Variants in AP3B1 observed in about 807,000 individuals in gnomAD.
The protein encoded by AP3B1 is adaptor related protein complex 3 subunit beta 1.
Under a neutral mutation model 132.5 loss-of-function variants are expected in AP3B1, and 61 were observed. That is an observed-to-expected ratio of 0.46 (90% CI 0.37 to 0.57). The LOEUF is 0.57. Ranked by LOEUF, AP3B1 falls within the 20% of genes least tolerant of loss-of-function variation. The pLI is 0.00. For synonymous variants in AP3B1, 388 were observed against 438.3 expected (o/e 0.89, Z 1.43); for missense variants, 1,120 against 1,289.4 (o/e 0.87, Z 2.01).
rs993056320 is a variant in AP3B1, at chr5:78,233,181, G to A, written c.280-4942C>T. The stretch of plus-strand genomic sequence containing the variant: ...TCATGCATCATATTTAAGTTTTCAT[G>A]TCTCCTTGGTCTTCTTTCATCTGGA... On this transcript the variant is annotated intron_variant, in intron 3 of 26. Transcript: ENST00000255194. Among the ~76,000 whole-genome samples, 5 of 151,094 alleles carry A rather than the reference G, an allele frequency of 3.3e-5. No individual in the cohort carries two copies. In the East Asian group the frequency reaches 5.8e-4, roughly 18 times the overall value.
chr5:78,178,427 C>G (rs1367058520), intron 8 of AP3B1, among the ~76,000 whole-genome samples: 1 of 152,076 alleles, frequency 6.6e-6, no homozygotes, highest in Non-Finnish European at 1.5e-5. Context: ...GTGAGAGCAT[C>G]CTGGCCAACA....
downstream of AP3B1, chr5:78,001,422 A>G (rs1373346750): frequency 1.3e-5 from 2 of 152,336 alleles, no homozygotes; most frequent in Non-Finnish European, 1.5e-5. Flanking sequence ...GCTTCCATAC[A>G]TTGGTACAGA....
chr5:78,041,951 G>T, intron 22 of AP3B1: 1 of 202,144 alleles, frequency 4.9e-6, no homozygotes, highest in Non-Finnish European at 1.0e-5. Context: ...AACTCCTTGA[G>T]CTGCTGCACG....
chr5:78,177,179 T>TA (rs2112404944), intron 9 of AP3B1, among the ~76,000 whole-genome samples, 160 bp downstream of exon 9: 1 of 152,306 alleles, frequency 6.6e-6, no homozygotes, highest in East Asian at 1.9e-4. Flanking sequence ...GATAAATGCA[T>TA]AAAGACTTTT....
At chr5:78,063,085 C>CA (rs1371021037) in intron 22 of AP3B1, among the ~76,000 whole-genome samples, 1 of 152,114 alleles carries the variant, frequency 6.6e-6, no homozygotes, top group Admixed American at 6.5e-5. Flanking sequence ...AAATATTGTT[C>CA]AAAACAGCAT....
chr5:78,120,451 T>C (rs1481070368), intron 17 of AP3B1, among the ~76,000 whole-genome samples: 1 of 152,148 alleles, frequency 6.6e-6, no homozygotes, highest in Non-Finnish European at 1.5e-5. Flanking sequence ...GAAACCCATC[T>C]CACGTGGAGA....
intron 23 of AP3B1, 52 bp downstream of exon 23, chr5:78,038,991 C>A (rs1747930912): frequency 5.4e-6 from 6 of 1,102,182 alleles, no homozygotes; most frequent in Admixed American, 2.0e-5. Flanking sequence ...TTAAAATGAA[C>A]ATATTTAGTG....
At chr5:78,109,942 C>G (rs1751501072) in intron 20 of AP3B1, among the ~76,000 whole-genome samples, 2 of 151,806 alleles carry the variant, frequency 1.3e-5, no homozygotes, top group Non-Finnish European at 2.9e-5. Flanking sequence ...ATTTTTGTGA[C>G]TTCCTTTCAC....
chr5:78,084,239 A>G (rs573133471), intron 22 of AP3B1, among the ~76,000 whole-genome samples: 89 of 152,236 alleles, frequency 5.8e-4, no homozygotes, highest in African/African-American at 2.1e-3. Flanking sequence ...ATAAAAAGGA[A>G]TCTGGTTGAG....
intron 7 of AP3B1, among the ~76,000 whole-genome samples, chr5:78,208,473 G>A (rs914530025): frequency 6.6e-6 from 1 of 152,138 alleles, no homozygotes; most frequent in African/African-American, 2.4e-5. Flanking sequence ...TGCATTCTGG[G>A]AAGGAATCAT....
intron 15 of AP3B1, among the ~76,000 whole-genome samples, chr5:78,137,980 C>A (rs1030854535): frequency 3.3e-5 from 5 of 151,862 alleles, no homozygotes; most frequent in African/African-American, 4.8e-5. Flanking sequence ...CAAGACTTCA[C>A]GGCAAACCAG....
At chr5:78,278,629 G>GAAAAAAAAAAAAA (rs1561217293) in intron 1 of AP3B1, among the ~76,000 whole-genome samples, 1 of 76,712 alleles carries the variant, frequency 1.3e-5, no homozygotes, top group African/African-American at 3.7e-5. Flanking sequence ...AAAAAAAGGG[G>GAAAAAAAAAAAAA]GGGGGGGACT....
chr5:78,073,035 CTAAGT>C (rs1181528387), intron 22 of AP3B1, among the ~76,000 whole-genome samples: 6 of 152,178 alleles, frequency 3.9e-5, no homozygotes, highest in African/African-American at 1.4e-4. Context: ...CTGATATATT[CTAAGT>C]TAAGTGGTTT....
chr5:78,134,956 C>T (rs1418048484), intron 15 of AP3B1, among the ~76,000 whole-genome samples: 1 of 152,172 alleles, frequency 6.6e-6, no homozygotes, highest in Non-Finnish European at 1.5e-5. Context: ...TCTGTAAGGT[C>T]TTCCTTTCTG....
At chr5:78,055,965 GA>G (rs1748795628) in intron 22 of AP3B1, among the ~76,000 whole-genome samples, 1 of 152,046 alleles carries the variant, frequency 6.6e-6, no homozygotes, top group Non-Finnish European at 1.5e-5. Flanking sequence ...CATCACAGGG[GA>G]CAACCACACC....
intron 7 of AP3B1, among the ~76,000 whole-genome samples, chr5:78,192,445 A>G (rs1269799691): frequency 6.6e-6 from 1 of 151,528 alleles, no homozygotes. Context: ...AGTTCGAGAC[A>G]AGCCTGGCCA....
intron 22 of AP3B1, chr5:78,088,908 A>G (rs1750381708): frequency 6.4e-6 from 1 of 157,082 alleles, no homozygotes; most frequent in Admixed American, 6.2e-5. Flanking sequence ...AAATAACATT[A>G]AAGAATAATT....
chr5:78,271,941 T>C (rs913661880), intron 1 of AP3B1, among the ~76,000 whole-genome samples: 1 of 152,206 alleles, frequency 6.6e-6, no homozygotes, highest in Non-Finnish European at 1.5e-5. Context: ...GTAAAGGATC[T>C]CTACAGAGTT....
chr5:78,175,615 A>G lies in AP3B1; in HGVS notation c.1167+11T>C, dbSNP rs2112401362. The G allele has an allele frequency of 1.9e-6, 3 of 1,606,372 alleles. No individual in the cohort carries two copies. Among genetic ancestry groups the G allele is most frequent in the Non-Finnish European group, 1.7e-6 (2 of 1,173,472 alleles). On this transcript the variant is annotated intron_variant, in intron 11 of 26. Transcript: ENST00000255194. The stretch of plus-strand genomic sequence containing the variant: ...GTGTTAAAAGCCTCTGAAAAATGAA[A>G]GCATACATACCTTCAGTGTCTTGAT...
Sources: allele counts gnomAD v4.1 joint callset (sites outside exome capture counted in the v4.1 genomes callset), GRCh38; gene constraint gnomAD v4.1.1; transcripts MANE v1.5; gene names NCBI Gene and HGNC (gene_info 2026-07-23, HGNC 2026-07-21).